Variants in LRFN2 observed in about 807,000 individuals in gnomAD.
LRFN2 encodes leucine rich repeat and fibronectin type III domain containing 2.
Under a neutral mutation model 37.3 loss-of-function variants are expected in LRFN2, and 18 were observed. The observed-to-expected ratio is 0.48, with a 90% CI of 0.33 to 0.72. The LOEUF (loss-of-function observed/expected upper bound fraction) is 0.72, where lower values mean the gene tolerates loss of function less well. LRFN2 is among the 30% of genes least tolerant of loss of function. The pLI, the probability that LRFN2 is intolerant of heterozygous loss-of-function variation, is 0.02. For synonymous variants in LRFN2, 556 were observed against 466.6 expected, an observed-to-expected ratio of 1.19 and a Z score of -2.47; for missense variants, 1,006 against 1,060.7, an observed-to-expected ratio of 0.95 and a Z score of 0.72.
intron 1 of LRFN2, among the ~76,000 whole-genome samples, chr6:40,546,485 A>C (rs1427260220): frequency 6.6e-6 from 1 of 152,142 alleles, no homozygotes; most frequent in African/African-American, 2.4e-5. Context: ...CAAGTCCTAA[A>C]CTACCTCCTG....
chr6:40,451,636 G>A (rs531978659), intron 1 of LRFN2, among the ~76,000 whole-genome samples: 4 of 152,274 alleles, frequency 2.6e-5, no homozygotes, highest in East Asian at 1.9e-4. Context: ...ACTAGAATTC[G>A]GTGGTGCCGT....
At chr6:40,464,288 G>A (rs901030771) in intron 1 of LRFN2, among the ~76,000 whole-genome samples, 1 of 152,140 alleles carries the variant, frequency 6.6e-6, no homozygotes, top group Non-Finnish European at 1.5e-5. Context: ...ATTAATTATA[G>A]CAGTGCTATG....
intron 1 of LRFN2, among the ~76,000 whole-genome samples, chr6:40,500,488 A>G (rs1215772039): frequency 6.6e-6 from 1 of 152,246 alleles, no homozygotes; most frequent in Non-Finnish European, 1.5e-5. Flanking sequence ...AGATCTGCCC[A>G]CAGCTTTATA....
intron 1 of LRFN2, among the ~76,000 whole-genome samples, chr6:40,511,531 G>T (rs996475516): frequency 1.3e-5 from 2 of 152,218 alleles, no homozygotes; most frequent in Non-Finnish European, 2.9e-5. Context: ...GGGGGTCTGA[G>T]CCCAGGCCAC....
intron 1 of LRFN2, among the ~76,000 whole-genome samples, chr6:40,522,935 A>C (rs189357715): frequency 5.3e-5 from 8 of 152,310 alleles, no homozygotes; most frequent in Admixed American, 4.6e-4. Context: ...ATGTGAATGC[A>C]CCTGTCTGGA....
At chr6:40,537,918 G>T (rs1218728938) in intron 1 of LRFN2, among the ~76,000 whole-genome samples, 1 of 151,974 alleles carries the variant, frequency 6.6e-6, no homozygotes, top group Non-Finnish European at 1.5e-5. Context: ...AGATTGAAGG[G>T]AGCAGGGAAC....
In LRFN2 at chr6:40,396,686, CTGTGTGTGTGTG is replaced by C. The variant is rs3997706; in HGVS notation, c.1401-3786_1401-3775del. 4.9e-3 allele frequency among the ~76,000 whole-genome samples: 662 copies of C among 135,184 alleles called. 4 individuals are homozygous for C. Among genetic ancestry groups the C allele is most frequent in the South Asian group, 0.013 (49 of 3,878 alleles). The allele number at this position is 135,184 out of a possible 152,430, so 88.7% of individuals were successfully genotyped here. ...GAAGGCGGCTCCTGATTCCTCTGCT[CTGTGTGTGTGTG>C]TGTGTGTGTGTGTGTGTGTGTGTGT... On this transcript the variant is annotated intron_variant, in intron 2 of 2. Transcript: ENST00000338305.
At chr6:40,398,103 C>G (rs1436755542) in intron 2 of LRFN2, among the ~76,000 whole-genome samples, 1 of 151,952 alleles carries the variant, frequency 6.6e-6, no homozygotes, top group Non-Finnish European at 1.5e-5. Flanking sequence ...TGCAGGCTTT[C>G]TCAGCCTCAC....
intron 1 of LRFN2, among the ~76,000 whole-genome samples, chr6:40,499,422 C>T (rs920753993): frequency 3.9e-5 from 6 of 151,976 alleles, no homozygotes; most frequent in Non-Finnish European, 7.4e-5. Flanking sequence ...ATAACTTGGC[C>T]GTAAAAATGT....
intron 1 of LRFN2, among the ~76,000 whole-genome samples, chr6:40,528,477 G>A (rs955253570): frequency 5.9e-5 from 9 of 152,198 alleles, no homozygotes; most frequent in African/African-American, 1.4e-4. Flanking sequence ...GCCCTGCCAC[G>A]GCTGTCCTTG....
chr6:40,464,121 C>A (rs1289411291), intron 1 of LRFN2, among the ~76,000 whole-genome samples: 1 of 152,184 alleles, frequency 6.6e-6, no homozygotes, highest in African/African-American at 2.4e-5. Flanking sequence ...ACTACATTTA[C>A]CACACTGCAT....
chr6:40,503,441 C>T (rs757445804), intron 1 of LRFN2, among the ~76,000 whole-genome samples: 9 of 152,116 alleles, frequency 5.9e-5, no homozygotes, highest in East Asian at 3.9e-4. Context: ...CGATGGAGGG[C>T]GGTCCTCTGG....
At chr6:40,575,580 G>A (rs912403263) in intron 1 of LRFN2, among the ~76,000 whole-genome samples, 2 of 152,124 alleles carry the variant, frequency 1.3e-5, no homozygotes, top group African/African-American at 4.8e-5. Flanking sequence ...CCTTGCCCTG[G>A]GGACATTTCC....
At chr6:40,430,330 G>A (rs1270614383) in intron 2 of LRFN2, among the ~76,000 whole-genome samples, 1 of 152,170 alleles carries the variant, frequency 6.6e-6, no homozygotes, top group Non-Finnish European at 1.5e-5. Context: ...TTCCAATCCA[G>A]AGACTCATCA....
intron 2 of LRFN2, among the ~76,000 whole-genome samples, chr6:40,415,283 T>G (rs1763071572): frequency 6.6e-6 from 1 of 152,168 alleles, no homozygotes; most frequent in Admixed American, 6.5e-5. Context: ...TGGAATGCAA[T>G]GGTGCAATCT....
At chr6:40,450,500 G>A (rs1764079050) in intron 1 of LRFN2, among the ~76,000 whole-genome samples, 1 of 152,234 alleles carries the variant, frequency 6.6e-6, no homozygotes, top group South Asian at 2.1e-4. Context: ...CCTCACAGGG[G>A]CAGCCTTTTC....
intron 1 of LRFN2, among the ~76,000 whole-genome samples, chr6:40,486,898 T>C (rs1764971526): frequency 6.6e-6 from 1 of 152,112 alleles, no homozygotes; most frequent in Admixed American, 6.5e-5. Flanking sequence ...GGTTTTATTT[T>C]AGGAAGAGTA....
intron 1 of LRFN2, among the ~76,000 whole-genome samples, chr6:40,537,526 C>A (rs1182514787): frequency 6.6e-6 from 1 of 152,120 alleles, no homozygotes; most frequent in African/African-American, 2.4e-5. Flanking sequence ...GAATCCAAGG[C>A]CCACTTCAAC....
chr6:40,505,398 G>A (rs1241503469), intron 1 of LRFN2, among the ~76,000 whole-genome samples: 2 of 152,178 alleles, frequency 1.3e-5, no homozygotes, highest in African/African-American at 2.4e-5. Flanking sequence ...ATAATCCATG[G>A]TTTCGGAAGT....
Sources: allele counts gnomAD v4.1 joint callset (sites outside exome capture counted in the v4.1 genomes callset), GRCh38; gene constraint gnomAD v4.1.1; transcripts MANE v1.5; gene names NCBI Gene and HGNC (gene_info 2026-07-23, HGNC 2026-07-21).